The following DGKI variants were observed in gnomAD, a reference collection of about 807,000 sequenced individuals.
DGKI encodes diacylglycerol kinase iota.
DGKI carries 55 observed loss-of-function variants against 147.5 expected under a neutral mutation model. The ratio of observed to expected loss-of-function variants is 0.37; its 90% CI spans 0.30 to 0.47. The LOEUF (loss-of-function observed/expected upper bound fraction) is 0.47, where lower values mean the gene tolerates loss of function less well. Among genes scored for constraint, DGKI ranks in the 20% least tolerant of loss-of-function variants. The pLI is 1.00. For synonymous variants in DGKI, 469 were observed against 477.1 expected, an observed-to-expected ratio of 0.98 and a Z score of 0.22; for missense variants, 1,007 against 1,323.8, an observed-to-expected ratio of 0.76 and a Z score of 3.71.
intron 20 of DGKI, 64 bp from the exon 21 acceptor site, chr7:137,522,030 G>T (rs1816979977): frequency 2.6e-6 from 3 of 1,159,282 alleles, no homozygotes; most frequent in South Asian, 1.3e-5. Context: ...CCATGCACCT[G>T]AAGGAATAAG....
intron 2 of DGKI, among the ~76,000 whole-genome samples, chr7:137,679,969 C>G (rs950500832): frequency 5.4e-5 from 7 of 130,658 alleles, no homozygotes; most frequent in East Asian, 2.2e-4. Context: ...CCAGCCTGGG[C>G]GACAGAGTGA....
intron 20 of DGKI, among the ~76,000 whole-genome samples, chr7:137,523,014 G>A (rs1322926203): frequency 2.0e-5 from 3 of 151,462 alleles, no homozygotes; most frequent in Non-Finnish European, 2.9e-5. Flanking sequence ...TCTTTAATTT[G>A]TTCCTGTAAA....
intron 6 of DGKI, among the ~76,000 whole-genome samples, chr7:137,642,493 C>A (rs1297052681): frequency 6.6e-6 from 1 of 152,168 alleles, no homozygotes; most frequent in Non-Finnish European, 1.5e-5. Context: ...AAATATTCTC[C>A]TCATTAAACT....
intron 1 of DGKI, among the ~76,000 whole-genome samples, chr7:137,834,357 GT>G (rs1798302771): frequency 6.6e-6 from 1 of 152,186 alleles, no homozygotes; most frequent in Non-Finnish European, 1.5e-5. Context: ...TTGAGTCATT[GT>G]AAAAGTGCAT....
chr7:137,438,337 C>A (rs972758866), intron 28 of DGKI, among the ~76,000 whole-genome samples: 1 of 152,070 alleles, frequency 6.6e-6, no homozygotes, highest in Non-Finnish European at 1.5e-5. Context: ...TGTTTGATCT[C>A]ATGTGTAATC....
At chr7:137,539,881 G>T (rs1047567039) in intron 20 of DGKI, among the ~76,000 whole-genome samples, 2 of 152,102 alleles carry the variant, frequency 1.3e-5, no homozygotes, top group South Asian at 2.1e-4. Flanking sequence ...AAAGATACAG[G>T]TTACTAATAT....
intron 23 of DGKI, among the ~76,000 whole-genome samples, chr7:137,477,354 T>C (rs1815206956): frequency 6.6e-6 from 1 of 152,224 alleles, no homozygotes; most frequent in South Asian, 2.1e-4. Context: ...ATATAGCCAA[T>C]CTTAATATGT....
At chr7:137,457,899 T>C (rs564255341) in intron 27 of DGKI, among the ~76,000 whole-genome samples, 1 of 152,092 alleles carries the variant, frequency 6.6e-6, no homozygotes, top group Non-Finnish European at 1.5e-5. Flanking sequence ...ATATTCATCA[T>C]TTCTAGGGTC....
chr7:137,525,254 T>C (rs1377734693), intron 20 of DGKI, among the ~76,000 whole-genome samples: 1 of 152,194 alleles, frequency 6.6e-6, no homozygotes, highest in Non-Finnish European at 1.5e-5. Context: ...CCTACACTTT[T>C]GCTCTCTTGC....
chr7:137,582,426 CTCTCTCTCTA>C (rs996225125), intron 14 of DGKI, among the ~76,000 whole-genome samples: 8 of 150,274 alleles, frequency 5.3e-5, no homozygotes, highest in African/African-American at 2.0e-4. Context: ...CTCTCTCTCT[CTCTCTCTCTA>C]TATATATATA....
intron 1 of DGKI, among the ~76,000 whole-genome samples, chr7:137,798,117 A>T (rs1271079283): frequency 6.6e-6 from 1 of 152,128 alleles, no homozygotes; most frequent in African/African-American, 2.4e-5. Context: ...TCCTATAAAG[A>T]CATAAACTAC....
chr7:137,752,921 T>C (rs1013890915), intron 1 of DGKI, among the ~76,000 whole-genome samples: 4 of 152,166 alleles, frequency 2.6e-5, no homozygotes, highest in Admixed American at 2.6e-4. Flanking sequence ...ACACGGGTAT[T>C]TTGCACCTGT....
intron 1 of DGKI, among the ~76,000 whole-genome samples, chr7:137,770,984 G>A (rs1402832041): frequency 3.3e-5 from 5 of 152,168 alleles, no homozygotes; most frequent in African/African-American, 1.2e-4. Flanking sequence ...GAGTAAATAA[G>A]GAGTGAATCT....
At chr7:137,392,191 T>A (rs1005399925) in intron 32 of DGKI, among the ~76,000 whole-genome samples, 49 of 152,308 alleles carry the variant, frequency 3.2e-4, no homozygotes, top group African/African-American at 1.2e-3. Flanking sequence ...CAGACTACTA[T>A]AATGCCTTTT....
Position 137,521,872 on chromosome 7 carries a change from C to T in DGKI, c.2242G>A (p.Glu748Lys). The change falls in exon 21 of 33, where the codon GAA becomes AAA. Residue 748 changes from glutamate (E) to lysine (K), a missense_variant. By Grantham distance (56) the Glu-to-Lys change is moderately conservative. This residue lies in a region of DGKI where 385 missense variants were observed against 445.2 expected (regional missense o/e 0.86). Coordinates refer to ENST00000614521, the MANE Select transcript of DGKI (RefSeq NM_001321708.2). ...GFHYDKEKLREASIPLGILVV... is the reference protein window; with the variant it reads ...GFHYDKEKLRKASIPLGILVV... ...TGAGGCACTTCCAACTTACAAGCTT[C>T]TCGGAGTTTCTCCTTGTCATAGTGG... 1.2e-6 allele frequency: 2 copies of T among 1,610,192 alleles called. No homozygotes were observed. Among genetic ancestry groups the T allele is most frequent in the Admixed American group, 1.7e-5 (1 of 59,752 alleles).
At chr7:137,530,167 C>T (rs76098077) in intron 20 of DGKI, among the ~76,000 whole-genome samples, 3,216 of 152,290 alleles carry the variant, frequency 0.021, 142 homozygotes, top group East Asian at 0.11. Context: ...TTGTTACTTT[C>T]TCTTTTTCCT....
At chr7:137,527,408 A>T (rs1315372923) in intron 20 of DGKI, among the ~76,000 whole-genome samples, 1 of 152,194 alleles carries the variant, frequency 6.6e-6, no homozygotes, top group African/African-American at 2.4e-5. Context: ...CGTCAACATC[A>T]GTAGGGATAC....
At chr7:137,620,737 G>A (rs1820718274) in intron 7 of DGKI, among the ~76,000 whole-genome samples, 1 of 152,194 alleles carries the variant, frequency 6.6e-6, no homozygotes, top group African/African-American at 2.4e-5. Context: ...TCAGACTGGT[G>A]ACCTTAGGCC....
chr7:137,481,163 C>T (rs1815359026), intron 23 of DGKI, among the ~76,000 whole-genome samples: 2 of 152,194 alleles, frequency 1.3e-5, no homozygotes, highest in Admixed American at 6.5e-5. Flanking sequence ...GCATCCTTGG[C>T]CTTTATCCAA....
Sources: allele counts gnomAD v4.1 joint callset (sites outside exome capture counted in the v4.1 genomes callset), GRCh38; gene constraint gnomAD v4.1.1; regional missense constraint gnomAD v4.1.1; transcripts MANE v1.5; gene names NCBI Gene and HGNC (gene_info 2026-07-23, HGNC 2026-07-21).